Variants in PCDHGB2 observed in about 807,000 individuals in gnomAD.
PCDHGB2 encodes protocadherin gamma-B2.
A neutral mutation model predicts 59.3 loss-of-function variants in PCDHGB2; 55 were observed. The ratio of observed to expected loss-of-function variants is 0.93; its 90% CI spans 0.75 to 1.16. The LOEUF (loss-of-function observed/expected upper bound fraction) is 1.16, where lower values mean the gene tolerates loss of function less well. Ranked by LOEUF, PCDHGB2 falls within the 50% of genes most tolerant of loss-of-function variation. The pLI is 0.00. For synonymous variants in PCDHGB2, 516 were observed against 512.0 expected (o/e 1.01, Z -0.11); for missense variants, 1,228 against 1,198.5 (o/e 1.02, Z -0.36).
intron 1 of PCDHGB2, chr5:141,366,064 G>T (rs761173450): frequency 5.5e-5 from 88 of 1,614,106 alleles, no homozygotes; most frequent in Middle Eastern, 1.6e-4. Context: ...TGGAGCTGGC[G>T]CCTCGCTCCG....
chr5:141,485,625 G>C lies in PCDHGB2; in HGVS notation c.2422-9182G>C. On this transcript the variant is annotated intron_variant, in intron 1 of 3. Transcript: ENST00000522605. This position sits in a 1 kb window ranked among gnomAD's most constrained non-coding sequence, Gnocchi z 5.7. ...GGGGAGGCAGCTCCTCCAGGACAGC[G>C]TTTCCCGTTGGAAAAGGCTCAGGAT... The C allele has an allele frequency of 6.2e-7, 1 of 1,611,968 alleles. No individual in the cohort carries two copies. Among genetic ancestry groups the C allele is most frequent in the Non-Finnish European group, 8.5e-7 (1 of 1,178,504 alleles).
chr5:141,389,166 C>G (rs1340986620), intron 1 of PCDHGB2: 1 of 1,613,988 alleles, frequency 6.2e-7, no homozygotes, highest in Non-Finnish European at 8.5e-7. Context: ...TCGGGGCAAG[C>G]CTCCCCTCTC....
Position 141,490,503 on chromosome 5 carries a change from C to A in PCDHGB2, c.2422-4304C>A, listed in dbSNP as rs2099701103. On this transcript the variant is annotated intron_variant, in intron 1 of 3. Coordinates refer to ENST00000522605, the MANE Select transcript of PCDHGB2 (RefSeq NM_018923.3). The surrounding 1 kb of genome is among the most constrained non-coding windows in gnomAD (Gnocchi z 5.4). ...ACCGGGAGGCCACATCCCACTATAT[C>A]ATCGAGCTGCTGGCCAGCGATGCTG... 3.7e-6 allele frequency: 6 copies of A among 1,614,206 alleles called. No individual in the cohort carries two copies. In the African/African-American group the frequency reaches 8.0e-5, roughly 22 times the overall value.
At chr5:141,480,715 G>A (rs906358826) in intron 1 of PCDHGB2, among the ~76,000 whole-genome samples, 1 of 152,124 alleles carries the variant, frequency 6.6e-6, no homozygotes, top group African/African-American at 2.4e-5. Flanking sequence ...ACAAATGAAA[G>A]CACAGTCTCT....
intron 1 of PCDHGB2, chr5:141,382,829 T>C: frequency 7.3e-7 from 1 of 1,376,168 alleles, no homozygotes; most frequent in Non-Finnish European, 9.9e-7. Flanking sequence ...GACAGAGGGG[T>C]CCACCCGGAT....
chr5:141,433,080 A>T lies in PCDHGB2; in HGVS notation c.2422-61727A>T, dbSNP rs1315049041. 4.3e-6 allele frequency: 7 copies of T among 1,614,174 alleles called. No homozygotes were observed. The East Asian group carries it at 1.6e-4, about 36-fold the overall frequency. ...AGTCACCTGATCTTCCCCCAGCCCA[A>T]CTATGCAGACATGCTCGTCAGCCAG... On this transcript the variant is annotated intron_variant, in intron 1 of 3. Transcript: ENST00000522605.
At chr5:141,506,308 G>A (rs941724820) in intron 3 of PCDHGB2, among the ~76,000 whole-genome samples, 8 of 152,100 alleles carry the variant, frequency 5.3e-5, no homozygotes. Flanking sequence ...AATTAGCTGG[G>A]CATGGTGGTG....
chr5:141,398,241 C>G, intron 1 of PCDHGB2: 1 of 1,474,150 alleles, frequency 6.8e-7, no homozygotes, highest in South Asian at 1.2e-5. Context: ...ACAGGATTCC[C>G]GAGGAAATGC....
chr5:141,503,630 A>G, intron 2 of PCDHGB2, among the ~76,000 whole-genome samples: 1 of 152,088 alleles, frequency 6.6e-6, no homozygotes, highest in Admixed American at 6.6e-5. Flanking sequence ...AAGAAAAGAA[A>G]TAATTATTGA....
chr5:141,428,436 A>G (rs922762798), intron 1 of PCDHGB2: 5 of 401,736 alleles, frequency 1.2e-5, no homozygotes, highest in Non-Finnish European at 2.3e-5. Flanking sequence ...CTAAGACTAG[A>G]CCAGGGGTTT....
At chr5:141,395,197 T>A in intron 1 of PCDHGB2, 1 of 1,614,012 alleles carries the variant, frequency 6.2e-7, no homozygotes, top group Non-Finnish European at 8.5e-7. Context: ...TTAACATCCG[T>A]AGATTTTCAT....
intron 1 of PCDHGB2, chr5:141,395,544 G>A (rs1352260391): frequency 8.7e-5 from 1 of 11,524 alleles, no homozygotes. Flanking sequence ...GCTATTGTTT[G>A]TGTGTGTGTG....
At chr5:141,364,768 G>A (rs1442604724) in intron 1 of PCDHGB2, 3 of 1,613,956 alleles carry the variant, frequency 1.9e-6, no homozygotes, top group Non-Finnish European at 8.5e-7. Flanking sequence ...ATGAAAATGC[G>A]GCTGCAGGGA....
intron 1 of PCDHGB2, chr5:141,374,885 G>T: frequency 6.2e-7 from 1 of 1,613,628 alleles, no homozygotes; most frequent in South Asian, 1.1e-5. Flanking sequence ...GACTGCCACC[G>T]ACCAGGATGA....
At chr5:141,500,582 T>G (rs534297929) in intron 2 of PCDHGB2, among the ~76,000 whole-genome samples, 29 of 152,314 alleles carry the variant, frequency 1.9e-4, no homozygotes, top group African/African-American at 6.7e-4. Flanking sequence ...ATGTGACACT[T>G]TATTCACATA....
intron 1 of PCDHGB2, chr5:141,374,411 G>T: frequency 6.2e-7 from 1 of 1,614,036 alleles, no homozygotes. Flanking sequence ...TAACATCCTT[G>T]TCGAGGATAA....
intron 1 of PCDHGB2, chr5:141,394,332 A>T (rs1270394666): frequency 1.9e-6 from 3 of 1,614,010 alleles, no homozygotes; most frequent in Non-Finnish European, 2.5e-6. Flanking sequence ...GTATATCTCC[A>T]TCAACTCTGA....
chr5:141,384,402 GTCC>G lies in PCDHGB2; in HGVS notation c.2421+21851_2421+21853del, dbSNP rs781624552. ...AAGACACCATCCAGGGGGCTCCAGTGTCCTCCTATGTCTCCATAAACTCTGACA... is the reference window on the plus strand; with the variant it reads ...AAGACACCATCCAGGGGGCTCCAGTGTCCTATGTCTCCATAAACTCTGACA... On this transcript the variant is annotated intron_variant, in intron 1 of 3. Coordinates refer to ENST00000522605, the MANE Select transcript of PCDHGB2 (RefSeq NM_018923.3). The G allele has an allele frequency of 1.8e-5, 29 of 1,613,830 alleles. No homozygotes were observed. The African/African-American group carries it at 2.4e-4, about 13-fold the overall frequency.
chr5:141,409,412 C>A, intron 1 of PCDHGB2: 1 of 1,614,032 alleles, frequency 6.2e-7, no homozygotes, highest in Non-Finnish European at 8.5e-7. Flanking sequence ...CTACTACAAA[C>A]TGGTGACAGA....
Sources: gnomAD v4.1 joint callset for allele counts (sites outside exome capture counted in the v4.1 genomes callset) on GRCh38, gnomAD v4.1.1 for gene constraint, Gnocchi (gnomAD v3.1) non-coding constraint, MANE v1.5 for transcripts, NCBI Gene and HGNC (gene_info 2026-07-23, HGNC 2026-07-21) for gene names.